NME7: variants seen among roughly 807,000 people sequenced by gnomAD.
NME7 encodes nucleoside diphosphate kinase 7.
A neutral mutation model predicts 49.1 loss-of-function variants in NME7; 41 were observed. That is an observed-to-expected ratio of 0.83 (90% CI 0.65 to 1.08). The LOEUF is 1.08. NME7 is among the 50% of genes least tolerant of loss of function. The pLI is 0.00. For synonymous variants in NME7, 139 were observed against 150.6 expected (o/e 0.92, Z 0.56); for missense variants, 423 against 463.4 (o/e 0.91, Z 0.80).
At chr1:169,212,315 A>T (rs10800415) in intron 10 of NME7, among the ~76,000 whole-genome samples, 57,398 of 151,996 alleles carry the variant, frequency 0.38, 11,560 homozygotes, top group East Asian at 0.79. Flanking sequence ...AAATACTTTT[A>T]AAAAAGTCAT....
intron 10 of NME7, among the ~76,000 whole-genome samples, chr1:169,210,935 C>T (rs1428769784): frequency 3.3e-5 from 5 of 151,966 alleles, no homozygotes; most frequent in Non-Finnish European, 5.9e-5. Context: ...TTCCAGGTCA[C>T]GGGACTATCA....
At chr1:169,200,951 C>T (rs1184192180) in intron 10 of NME7, among the ~76,000 whole-genome samples, 1 of 152,152 alleles carries the variant, frequency 6.6e-6, no homozygotes, top group Non-Finnish European at 1.5e-5. Context: ...AGATTCAAGC[C>T]TGGGTGCCAT....
intron 6 of NME7, among the ~76,000 whole-genome samples, chr1:169,291,008 C>A (rs1047382139): frequency 6.6e-6 from 1 of 152,084 alleles, no homozygotes; most frequent in African/African-American, 2.4e-5. Context: ...AATCAGGAAA[C>A]AACAGATGCT....
intron 10 of NME7, among the ~76,000 whole-genome samples, chr1:169,174,542 G>A (rs1041463202): frequency 9.2e-5 from 14 of 152,098 alleles, no homozygotes; most frequent in Non-Finnish European, 1.3e-4. Context: ...GCATCATTAG[G>A]TGATTTCCTC....
At position 169,195,680 on chromosome 1, in the gene NME7, C is replaced by G. The variant is rs78603655; in HGVS notation, c.991-26126G>C. Among the ~76,000 whole-genome samples, 426 of 152,236 alleles carry G rather than the reference C, an allele frequency of 2.8e-3. 11 individuals are homozygous for G. The highest frequency in any genetic ancestry group is 9.3e-3 in the East Asian group (48 of 5,170). On this transcript the variant is annotated intron_variant, in intron 10 of 11. Transcript: ENST00000367811. ...GATATAGCAGTCATAACAAATAGTT[C>G]ATGAGATGTGTATTTAAACAATACA...
intron 7 of NME7, among the ~76,000 whole-genome samples, chr1:169,253,987 G>C (rs1648770438): frequency 6.6e-6 from 1 of 151,198 alleles, no homozygotes; most frequent in African/African-American, 2.4e-5. Context: ...GAGGATTTTT[G>C]CATCAATGTT....
rs1237091791 is a variant in NME7, at chr1:169,324,032, T to C, written c.111+361A>G. On this transcript the variant is annotated intron_variant, in intron 2 of 11. Transcript: ENST00000367811. ...CCACACCCGGCTAATTTTTTGTATCTTTAGTAGAGATGGGTTTTCACCATG... is the reference window on the plus strand; with the variant it reads ...CCACACCCGGCTAATTTTTTGTATCCTTAGTAGAGATGGGTTTTCACCATG... Among the ~76,000 whole-genome samples the C allele has an allele frequency of 4.6e-5, 7 of 151,932 alleles. 1 individual carries two copies. In the South Asian group the frequency reaches 1.5e-3, roughly 32 times the overall value.
chr1:169,132,916 TACCCCTTCCCAAAGAC>T (rs1658281877), intron 11 of NME7, 99 bp from the exon 12 acceptor site: 7 of 787,690 alleles, frequency 8.9e-6, no homozygotes, highest in Admixed American at 6.4e-5. Flanking sequence ...GACACTGGCA[TACCCCTTCCCAAAGAC>T]ACTAAAAGTT....
At chr1:169,161,855 T>C (rs1659255807) in intron 11 of NME7, among the ~76,000 whole-genome samples, 1 of 152,230 alleles carries the variant, frequency 6.6e-6, no homozygotes, top group African/African-American at 2.4e-5. Flanking sequence ...TATAATGCTT[T>C]ACTGCTCAGG....
At position 169,267,591 on chromosome 1, in the gene NME7, G is replaced by C. The variant is rs1649357126; in HGVS notation, c.754+19712C>G. On this transcript the variant is annotated intron_variant, in intron 7 of 11. Coordinates refer to ENST00000367811, the MANE Select transcript of NME7 (RefSeq NM_013330.5). ...ACAGACACACAGACCAATGGAGCAG[G>C]ATAGAGAGCCCAGATATAAACCCAC... Among the ~76,000 whole-genome samples, 2 of 132,602 alleles carry C rather than the reference G, an allele frequency of 1.5e-5. 1 individual carries two copies. Among genetic ancestry groups the C allele is most frequent in the African/African-American group, 5.1e-5 (2 of 39,260 alleles). The allele number at this position is 132,602 out of a possible 152,430, so 87.0% of individuals were successfully genotyped here. A position where few individuals can be genotyped will look rare whatever the true frequency, so the allele number is the denominator to read the frequency against.
At chr1:169,157,855 T>A (rs1483634818) in intron 11 of NME7, among the ~76,000 whole-genome samples, 1 of 152,256 alleles carries the variant, frequency 6.6e-6, no homozygotes, top group Non-Finnish European at 1.5e-5. Context: ...GTCTGGTGTA[T>A]GTCTTCTTTT....
At chr1:169,304,772 G>T (rs1014511257) in intron 4 of NME7, among the ~76,000 whole-genome samples, 1 of 152,128 alleles carries the variant, frequency 6.6e-6, no homozygotes, top group Non-Finnish European at 1.5e-5. Flanking sequence ...AAAGCTCTCT[G>T]ATTGCAAATT....
chr1:169,177,008 C>T (rs1659772851), intron 10 of NME7, among the ~76,000 whole-genome samples: 1 of 152,040 alleles, frequency 6.6e-6, no homozygotes, highest in African/African-American at 2.4e-5. Context: ...ATTTAAGAGG[C>T]ATTCTTTTAT....
At chr1:169,293,612 T>C (rs1650598885) in intron 6 of NME7, among the ~76,000 whole-genome samples, 1 of 152,118 alleles carries the variant, frequency 6.6e-6, no homozygotes, top group Non-Finnish European at 1.5e-5. Context: ...CATGATATCC[T>C]TAAAATAAGT....
Position 169,269,409 on chromosome 1 carries a change from G to A in NME7, c.754+17894C>T, listed in dbSNP as rs1649417144. On this transcript the variant is annotated intron_variant, in intron 7 of 11. Transcript: ENST00000367811. Reference sequence around the variant, plus strand: ...CTAAGCAAAACTGGGACCACTTCTGGAATTTTTGTTAAAACTGAGTTAAAT... The same window carrying A: ...CTAAGCAAAACTGGGACCACTTCTGAAATTTTTGTTAAAACTGAGTTAAAT... 2.2e-5 allele frequency among the ~76,000 whole-genome samples: 3 copies of A among 133,822 alleles called. 1 individual carries two copies. The highest frequency in any genetic ancestry group is 5.3e-5 in the Non-Finnish European group (3 of 57,056). The allele number at this position is 133,822 out of a possible 152,430, so 87.8% of individuals were successfully genotyped here. A position where few individuals can be genotyped will look rare whatever the true frequency, so the allele number is the denominator to read the frequency against.
intron 10 of NME7, among the ~76,000 whole-genome samples, chr1:169,217,133 T>C (rs1660993946): frequency 6.6e-6 from 1 of 152,190 alleles, no homozygotes; most frequent in South Asian, 2.1e-4. Flanking sequence ...GAGAAATATA[T>C]GCAAAGAAAT....
intron 7 of NME7, among the ~76,000 whole-genome samples, chr1:169,260,770 T>A (rs1180037666): frequency 7.5e-6 from 1 of 133,952 alleles, no homozygotes; most frequent in Non-Finnish European, 1.8e-5. Flanking sequence ...TGCTACAAAC[T>A]CTTTTTTAAG....
chr1:169,238,511 A>ACACACACC (rs1553249035), intron 7 of NME7, among the ~76,000 whole-genome samples: 23 of 150,774 alleles, frequency 1.5e-4, no homozygotes, highest in African/African-American at 5.7e-4. Flanking sequence ...ACACACACAC[A>ACACACACC]CACACCATAT....
intron 10 of NME7, among the ~76,000 whole-genome samples, chr1:169,216,206 A>C (rs969358902): frequency 1.3e-5 from 2 of 152,238 alleles, no homozygotes; most frequent in African/African-American, 4.8e-5. Context: ...CTGATGGCTG[A>C]CACCACCCAG....
Sources: allele counts gnomAD v4.1 joint callset (sites outside exome capture counted in the v4.1 genomes callset), GRCh38; gene constraint gnomAD v4.1.1; transcripts MANE v1.5; gene names NCBI Gene and HGNC (gene_info 2026-07-23, HGNC 2026-07-21).